Variants in BICC1 observed in about 807,000 individuals in gnomAD.
BICC1 encodes protein bicaudal C homolog 1.
In BICC1, 43 loss-of-function variants were observed where a neutral mutation model predicts 111.0. That is an observed-to-expected ratio of 0.39 (90% CI 0.30 to 0.50). The LOEUF (loss-of-function observed/expected upper bound fraction) is 0.50. Ranked by LOEUF, BICC1 falls within the 20% of genes least tolerant of loss-of-function variation. The probability of loss-of-function intolerance (pLI) is 0.88; values close to 1 mark genes in which losing one functional copy is unlikely to be tolerated. For synonymous variants in BICC1, 467 were observed against 434.4 expected (o/e 1.07, Z -0.93); for missense variants, 1,091 against 1,203.2 (o/e 0.91, Z 1.38).
intron 3 of BICC1, chr10:58,715,908 T>G: frequency 8.0e-7 from 1 of 1,254,658 alleles, no homozygotes; most frequent in Non-Finnish European, 1.1e-6. Context: ...GCAATTCTTC[T>G]GATTCTGAAG....
In BICC1 at chr10:58,513,472, G is replaced by A. The variant is rs1462268229; in HGVS notation, c.190+139G>A. 43 of 814,242 alleles carry A rather than the reference G, an allele frequency of 5.3e-5. No homozygotes were observed. The South Asian group carries it at 7.3e-4, about 14-fold the overall frequency. 50.4% of individuals were successfully genotyped at this position (814,242 alleles called of 1,614,324 possible). A position where few individuals can be genotyped will look rare whatever the true frequency, so the allele number is the denominator to read the frequency against. ...TCCAGGCCCGCTCCCCCGCGGAGCC[G>A]GAGGACACCCAGGGACTGGAGACTT... On this transcript the variant is annotated intron_variant, in intron 1 of 20. Coordinates refer to ENST00000373886, the MANE Select transcript of BICC1 (RefSeq NM_001080512.3).
intron 2 of BICC1, among the ~76,000 whole-genome samples, chr10:58,643,415 T>G (rs1298123007): frequency 6.6e-6 from 1 of 152,234 alleles, no homozygotes; most frequent in Admixed American, 6.5e-5. Flanking sequence ...TCCTCTTTAG[T>G]TGTCAATCAC....
intron 1 of BICC1, among the ~76,000 whole-genome samples, chr10:58,542,159 A>AAC (rs1365674795): frequency 9.5e-5 from 14 of 146,752 alleles, no homozygotes; most frequent in African/African-American, 1.9e-4. Context: ...TCAAAAAAAA[A>AAC]AAAAAAACAA....
chr10:58,826,242 C>G (rs183932815), intron 20 of BICC1, among the ~76,000 whole-genome samples: 1 of 152,102 alleles, frequency 6.6e-6, no homozygotes, highest in East Asian at 1.9e-4. Context: ...TTAATGACAA[C>G]AAAAGATGGT....
Position 58,752,716 on chromosome 10 carries a change from A to G in BICC1, c.308-32285A>G, listed in dbSNP as rs572357120. 5.8e-4 allele frequency among the ~76,000 whole-genome samples: 89 copies of G among 152,322 alleles called. 1 individual carries two copies. In the South Asian group the frequency reaches 0.018, roughly 30 times the overall value. On this transcript the variant is annotated intron_variant, in intron 3 of 20. Coordinates refer to ENST00000373886, the MANE Select transcript of BICC1 (RefSeq NM_001080512.3). ...GAATGCTAAAGGACATTTCAAAACC[A>G]TAGTGGTGGGCAATGTTTTGTTACT...
intron 3 of BICC1, among the ~76,000 whole-genome samples, chr10:58,775,706 A>G (rs1680721081): frequency 6.6e-6 from 1 of 152,230 alleles, no homozygotes; most frequent in African/African-American, 2.4e-5. Context: ...ATATTGTGCC[A>G]GTATATGTGG....
chr10:58,688,179 C>T (rs1266621082), intron 2 of BICC1, among the ~76,000 whole-genome samples: 2 of 152,012 alleles, frequency 1.3e-5, no homozygotes, highest in African/African-American at 2.4e-5. Context: ...AACAAAGCTT[C>T]CACAGTGTGG....
chr10:58,524,909 A>G (rs1158523231), intron 1 of BICC1, among the ~76,000 whole-genome samples: 3 of 152,170 alleles, frequency 2.0e-5, no homozygotes, highest in African/African-American at 7.2e-5. Context: ...AAGGATATGA[A>G]CAAACACTTC....
intron 1 of BICC1, among the ~76,000 whole-genome samples, chr10:58,545,194 G>A (rs1441216716): frequency 6.6e-6 from 1 of 151,934 alleles, no homozygotes; most frequent in Non-Finnish European, 1.5e-5. Context: ...AAGAATTCAG[G>A]ATATACTCAT....
chr10:58,660,366 C>G (rs1157899796), intron 2 of BICC1, among the ~76,000 whole-genome samples: 2 of 151,924 alleles, frequency 1.3e-5, no homozygotes, highest in African/African-American at 4.8e-5. Flanking sequence ...AGCAGCATAC[C>G]CTGGCCCTGG....
chr10:58,680,317 T>C (rs142611900), intron 2 of BICC1, among the ~76,000 whole-genome samples: 1 of 152,288 alleles, frequency 6.6e-6, no homozygotes, highest in Non-Finnish European at 1.5e-5. Context: ...CTCCTTAAGC[T>C]GATAAGCAGC....
chr10:58,771,557 A>G (rs1196581101), intron 3 of BICC1, among the ~76,000 whole-genome samples: 1 of 152,146 alleles, frequency 6.6e-6, no homozygotes, highest in Non-Finnish European at 1.5e-5. Flanking sequence ...GAGGGGCCTG[A>G]CAAAACATGA....
At chr10:58,549,922 C>G (rs1021786809) in intron 1 of BICC1, among the ~76,000 whole-genome samples, 1 of 151,984 alleles carries the variant, frequency 6.6e-6, no homozygotes, top group African/African-American at 2.4e-5. Context: ...ACCTTTACCT[C>G]AGGTGATCCA....
intron 2 of BICC1, among the ~76,000 whole-genome samples, chr10:58,644,741 G>GA (rs1413260346): frequency 2.0e-5 from 3 of 151,822 alleles, no homozygotes; most frequent in African/African-American, 7.3e-5. Flanking sequence ...CTTATAAAAA[G>GA]AAAAAAATAA....
chr10:58,770,359 G>T (rs1842590492), intron 3 of BICC1, among the ~76,000 whole-genome samples: 1 of 151,896 alleles, frequency 6.6e-6, no homozygotes, highest in Non-Finnish European at 1.5e-5. Context: ...TTCATCAAAT[G>T]TTACTTTCTC....
chr10:58,633,336 A>C (rs1297328155), intron 2 of BICC1, among the ~76,000 whole-genome samples: 2 of 152,246 alleles, frequency 1.3e-5, no homozygotes, highest in Non-Finnish European at 2.9e-5. Context: ...AAACTAATAC[A>C]ATTGTCTACT....
chr10:58,639,008 T>C (rs1838038976), intron 2 of BICC1, among the ~76,000 whole-genome samples: 1 of 151,824 alleles, frequency 6.6e-6, no homozygotes, highest in Non-Finnish European at 1.5e-5. Context: ...TTTCATTGTA[T>C]ATATGTACAT....
chr10:58,740,931 A>G (rs1323934642), intron 3 of BICC1, among the ~76,000 whole-genome samples: 1 of 152,248 alleles, frequency 6.6e-6, no homozygotes, highest in East Asian at 1.9e-4. Flanking sequence ...CACATATTTC[A>G]TTAACCGTGG....
intron 9 of BICC1, 117 bp from the exon 10 acceptor site, chr10:58,796,223 A>G (rs1001948789): frequency 8.4e-6 from 7 of 832,674 alleles, no homozygotes; most frequent in African/African-American, 3.4e-5. Context: ...AGCAGCATTG[A>G]TATGTCCCCT....
Sources: allele counts gnomAD v4.1 joint callset (sites outside exome capture counted in the v4.1 genomes callset), GRCh38; gene constraint gnomAD v4.1.1; transcripts MANE v1.5; gene names NCBI Gene and HGNC (gene_info 2026-07-23, HGNC 2026-07-21).